The following EXT1 variants were observed in gnomAD, a reference collection of about 807,000 sequenced individuals.
EXT1 encodes exostosin glycosyltransferase 1, also known as exostosin-1.
Under a neutral mutation model 82.5 loss-of-function variants are expected in EXT1, and 20 were observed. The ratio of observed to expected loss-of-function variants is 0.24; its 90% CI spans 0.17 to 0.35. The LOEUF (loss-of-function observed/expected upper bound fraction) is 0.35, where lower values mean the gene tolerates loss of function less well. Ranked by LOEUF, EXT1 falls within the 10% of genes least tolerant of loss-of-function variation. The pLI, the probability that EXT1 is intolerant of heterozygous loss-of-function variation, is 1.00. For synonymous variants in EXT1, 348 were observed against 350.8 expected (o/e 0.99, Z 0.09); for missense variants, 757 against 936.5 (o/e 0.81, Z 2.50).
intron 1 of EXT1, among the ~76,000 whole-genome samples, chr8:117,855,036 G>C (rs1307772574): frequency 6.6e-6 from 1 of 152,166 alleles, no homozygotes. Flanking sequence ...TTATATGTAT[G>C]CTATGCTGAC....
At position 117,828,422 on chromosome 8, in the gene EXT1, G is replaced by A. The variant is rs567399153; in HGVS notation, c.1284+1808C>T. 5.3e-5 allele frequency among the ~76,000 whole-genome samples: 8 copies of A among 151,902 alleles called. No individual in the cohort carries two copies. The South Asian group carries it at 6.3e-4, about 12-fold the overall frequency. ...AAATTAGCCAGGCACAGTAGCTCGC[G>A]CCCATGGTCCCAGCTACTCAGAAGA... is the stretch of plus-strand genomic sequence containing the variant. On this transcript the variant is annotated intron_variant, in intron 4 of 10. Transcript: ENST00000378204.
chr8:118,035,746 G>C (rs1395317509), intron 1 of EXT1, among the ~76,000 whole-genome samples: 1 of 152,156 alleles, frequency 6.6e-6, no homozygotes, highest in Non-Finnish European at 1.5e-5. Flanking sequence ...CTATGGAAAT[G>C]ACCACACTTG....
At chr8:117,805,008 T>C in intron 9 of EXT1, 115 bp from the exon 10 acceptor site, 1 of 878,230 alleles carries the variant, frequency 1.1e-6, no homozygotes, top group Non-Finnish European at 1.8e-6. Context: ...TCATGAATGG[T>C]AATGATAATG....
intron 1 of EXT1, among the ~76,000 whole-genome samples, chr8:117,838,716 C>G (rs1812225563): frequency 6.6e-6 from 1 of 152,106 alleles, no homozygotes; most frequent in Admixed American, 6.5e-5. Flanking sequence ...CAAATATCTT[C>G]AAGTTCAAAT....
intron 1 of EXT1, among the ~76,000 whole-genome samples, chr8:117,891,676 C>T (rs955559478): frequency 1.3e-5 from 2 of 152,166 alleles, no homozygotes; most frequent in East Asian, 1.9e-4. Flanking sequence ...CTTGTCATTG[C>T]GTTTATTGAA....
At chr8:117,924,768 G>A (rs1045364340) in intron 1 of EXT1, among the ~76,000 whole-genome samples, 3 of 152,250 alleles carry the variant, frequency 2.0e-5, no homozygotes, top group African/African-American at 7.2e-5. Flanking sequence ...TTAGGCAAAC[G>A]AGCATCACTT....
chr8:118,097,726 T>C (rs1441517810), intron 1 of EXT1, among the ~76,000 whole-genome samples: 1 of 152,192 alleles, frequency 6.6e-6, no homozygotes, highest in Non-Finnish European at 1.5e-5. Flanking sequence ...TATTCACTGT[T>C]GAATCCCCAG....
At chr8:117,911,483 G>A (rs1813646784) in intron 1 of EXT1, among the ~76,000 whole-genome samples, 1 of 152,130 alleles carries the variant, frequency 6.6e-6, no homozygotes, top group Non-Finnish European at 1.5e-5. Flanking sequence ...GCCTACAAAA[G>A]GGACAAAAGT....
At chr8:118,027,089 G>C (rs1816216544) in intron 1 of EXT1, among the ~76,000 whole-genome samples, 1 of 152,108 alleles carries the variant, frequency 6.6e-6, no homozygotes, top group Non-Finnish European at 1.5e-5. Context: ...AAGAAAGGTA[G>C]TTCTAGCCCC....
At chr8:117,924,136 G>A (rs927702178) in intron 1 of EXT1, among the ~76,000 whole-genome samples, 2 of 152,100 alleles carry the variant, frequency 1.3e-5, no homozygotes, top group Admixed American at 6.5e-5. Flanking sequence ...AAAATAACTG[G>A]GTGATTCATA....
Position 117,797,016 on chromosome 8 carries a change from G to A in EXT1, c.*2696C>T, listed in dbSNP as rs558500051. On this transcript the variant is annotated 3_prime_UTR_variant, in exon 11 of 11. Transcript: ENST00000378204. Reference sequence around the variant, plus strand: ...TTACGTGGTTGGCACTGTACTCTCAGCCCTTGGCTTCTCTCCAATGCAGCA... The same window carrying A: ...TTACGTGGTTGGCACTGTACTCTCAACCCTTGGCTTCTCTCCAATGCAGCA... The A allele has an allele frequency of 4.6e-5, 7 of 152,310 alleles. 1 individual carries two copies. Among genetic ancestry groups the A allele is most frequent in the Admixed American group, 4.6e-4 (7 of 15,296 alleles). The allele number at this position is 152,310 out of a possible 1,614,324, so 9.4% of individuals were successfully genotyped here. A position where few individuals can be genotyped will look rare whatever the true frequency, so the allele number is the denominator to read the frequency against.
In EXT1 at chr8:117,858,209, G is replaced by A. The variant is rs1231601955; in HGVS notation, c.963-21008C>T. Among the ~76,000 whole-genome samples the A allele has an allele frequency of 3.3e-5, 5 of 152,216 alleles. No homozygotes were observed. The East Asian group carries it at 9.6e-4, about 29-fold the overall frequency. On this transcript the variant is annotated intron_variant, in intron 1 of 10. Transcript: ENST00000378204. ...CATAAACTTAGTTGACAAAGCAGTG[G>A]CAGGGGTTGAGAGGATTGACTCCAA...
intron 1 of EXT1, among the ~76,000 whole-genome samples, chr8:117,850,159 A>G (rs1812429282): frequency 6.6e-6 from 1 of 152,230 alleles, no homozygotes; most frequent in African/African-American, 2.4e-5. Flanking sequence ...GTCACATGGA[A>G]TTCTTGTTGC....
chr8:118,106,676 A>G (rs1487484976), intron 1 of EXT1, among the ~76,000 whole-genome samples: 1 of 152,242 alleles, frequency 6.6e-6, no homozygotes. Context: ...AGCTGAATCT[A>G]AAGTTTCACA....
intron 1 of EXT1, among the ~76,000 whole-genome samples, chr8:118,087,687 AT>A (rs540515744): frequency 6.6e-6 from 1 of 152,128 alleles, no homozygotes; most frequent in African/African-American, 2.4e-5. Flanking sequence ...CAGAAAAAAA[AT>A]TTTTTAATAA....
chr8:118,102,420 T>A (rs1360184110), intron 1 of EXT1, among the ~76,000 whole-genome samples: 6 of 151,426 alleles, frequency 4.0e-5, no homozygotes, highest in Non-Finnish European at 8.8e-5. Context: ...CCTTGGATAA[T>A]GTTAGGAAAA....
intron 1 of EXT1, among the ~76,000 whole-genome samples, chr8:118,038,314 T>C (rs1452794556): frequency 2.0e-5 from 3 of 152,180 alleles, no homozygotes; most frequent in East Asian, 1.9e-4. Flanking sequence ...TGGAGGTAAA[T>C]TGGCTCCCTT....
chr8:117,922,861 T>C (rs1407303872), intron 1 of EXT1, among the ~76,000 whole-genome samples: 1 of 152,196 alleles, frequency 6.6e-6, no homozygotes, highest in African/African-American at 2.4e-5. Flanking sequence ...CCAGTTTCCA[T>C]TGCTTTCTGC....
At chr8:117,807,483 G>C in intron 8 of EXT1, 106 bp from the exon 9 acceptor site, 1 of 1,268,248 alleles carries the variant, frequency 7.9e-7, no homozygotes, top group Non-Finnish European at 1.1e-6. Context: ...GGGGACTGTG[G>C]CGAAACATTA....
Sources: allele counts gnomAD v4.1 joint callset (sites outside exome capture counted in the v4.1 genomes callset), GRCh38; gene constraint gnomAD v4.1.1; transcripts MANE v1.5; gene names NCBI Gene and HGNC (gene_info 2026-07-23, HGNC 2026-07-21).